Variants in ARHGAP15 observed in about 807,000 individuals in gnomAD.
ARHGAP15 encodes Rho GTPase activating protein 15.
Under a neutral mutation model 63.7 loss-of-function variants are expected in ARHGAP15, and 51 were observed. The ratio of observed to expected loss-of-function variants is 0.80; its 90% CI spans 0.64 to 1.01. The LOEUF (loss-of-function observed/expected upper bound fraction) is 1.01. Among genes scored for constraint, ARHGAP15 ranks in the 50% least tolerant of loss-of-function variants. The pLI, the probability that ARHGAP15 is intolerant of heterozygous loss-of-function variation, is 0.00. For synonymous variants in ARHGAP15, 191 were observed against 193.8 expected, an observed-to-expected ratio of 0.99 and a Z score of 0.12; for missense variants, 560 against 564.6, an observed-to-expected ratio of 0.99 and a Z score of 0.08.
At chr2:143,462,592 T>C (rs879409757) in intron 8 of ARHGAP15, among the ~76,000 whole-genome samples, 5 of 152,202 alleles carry the variant, frequency 3.3e-5, no homozygotes, top group Non-Finnish European at 7.4e-5. Flanking sequence ...TCCAAAAATG[T>C]CTCACATATG....
At chr2:143,283,477 A>G (rs1681954013) in intron 6 of ARHGAP15, among the ~76,000 whole-genome samples, 1 of 152,158 alleles carries the variant, frequency 6.6e-6, no homozygotes. Flanking sequence ...CTACTCTTGT[A>G]TTATCCTGTT....
chr2:143,759,915 G>GT (rs1242570679), intron 13 of ARHGAP15, among the ~76,000 whole-genome samples: 4 of 152,202 alleles, frequency 2.6e-5, no homozygotes, highest in South Asian at 2.1e-4. Flanking sequence ...AGCCATCAGG[G>GT]TTTTTTTAAA....
intron 12 of ARHGAP15, among the ~76,000 whole-genome samples, chr2:143,664,690 AAG>A (rs1249309364): frequency 3.9e-5 from 6 of 152,198 alleles, no homozygotes; most frequent in African/African-American, 1.2e-4. Context: ...TAAAGAAAAA[AAG>A]AGAGAAGAAT....
At chr2:143,576,449 A>T (rs549181090) in intron 11 of ARHGAP15, among the ~76,000 whole-genome samples, 10 of 152,270 alleles carry the variant, frequency 6.6e-5, no homozygotes, top group African/African-American at 2.4e-4. Context: ...TATGGCACAG[A>T]TATTATTTAA....
At chr2:143,489,760 C>A (rs567137795) in intron 9 of ARHGAP15, among the ~76,000 whole-genome samples, 10 of 152,230 alleles carry the variant, frequency 6.6e-5, no homozygotes, top group African/African-American at 2.4e-4. Context: ...TTAACTCTTT[C>A]AAAGGGAAGA....
chr2:143,695,411 G>A (rs967626936), intron 12 of ARHGAP15, among the ~76,000 whole-genome samples: 4 of 152,134 alleles, frequency 2.6e-5, no homozygotes, highest in African/African-American at 9.7e-5. Context: ...GAAGATTGCT[G>A]CTGGAGTGTC....
At chr2:143,604,870 G>A (rs1365674004) in intron 11 of ARHGAP15, among the ~76,000 whole-genome samples, 1 of 152,004 alleles carries the variant, frequency 6.6e-6, no homozygotes, top group African/African-American at 2.4e-5. Context: ...ACCGTGCATA[G>A]CATAATATTT....
At chr2:143,685,598 C>T (rs1292567575) in intron 12 of ARHGAP15, among the ~76,000 whole-genome samples, 2 of 152,166 alleles carry the variant, frequency 1.3e-5, no homozygotes, top group Non-Finnish European at 2.9e-5. Context: ...ACATCTGCTT[C>T]CGTGCACAAA....
At chr2:143,498,123 C>G (rs993513256) in intron 9 of ARHGAP15, among the ~76,000 whole-genome samples, 1 of 152,130 alleles carries the variant, frequency 6.6e-6, no homozygotes, top group East Asian at 1.9e-4. Flanking sequence ...AAATTCATGT[C>G]TATTATAAAT....
chr2:143,197,660 G>A (rs16858800), intron 2 of ARHGAP15, among the ~76,000 whole-genome samples: 7,542 of 151,960 alleles, frequency 0.05, 585 homozygotes, highest in African/African-American at 0.17. Flanking sequence ...ATATTTCTTT[G>A]TCTAATGCTT....
At chr2:143,342,701 CTA>C (rs1685111671) in intron 6 of ARHGAP15, among the ~76,000 whole-genome samples, 1 of 152,042 alleles carries the variant, frequency 6.6e-6, no homozygotes, top group South Asian at 2.1e-4. Context: ...GTGTCAGAAA[CTA>C]TGCTGGGTTC....
intron 8 of ARHGAP15, among the ~76,000 whole-genome samples, chr2:143,465,597 T>G (rs1300201038): frequency 6.6e-6 from 1 of 152,146 alleles, no homozygotes; most frequent in Non-Finnish European, 1.5e-5. Context: ...TTTGTATTTT[T>G]TTCCAGTTTA....
At chr2:143,407,334 T>C (rs1227729357) in intron 6 of ARHGAP15, among the ~76,000 whole-genome samples, 1 of 151,916 alleles carries the variant, frequency 6.6e-6, no homozygotes, top group Non-Finnish European at 1.5e-5. Flanking sequence ...AAGTGTTTAA[T>C]ATTTCTGTGA....
At chr2:143,367,229 A>C (rs1003874473) in intron 6 of ARHGAP15, among the ~76,000 whole-genome samples, 14 of 152,008 alleles carry the variant, frequency 9.2e-5, no homozygotes, top group African/African-American at 3.1e-4. Context: ...AAGATCCCCC[A>C]AAATTAATTT....
At chr2:143,254,553 C>G (rs951320051) in intron 6 of ARHGAP15, among the ~76,000 whole-genome samples, 3 of 151,982 alleles carry the variant, frequency 2.0e-5, no homozygotes, top group Non-Finnish European at 2.9e-5. Flanking sequence ...CGTGACATGG[C>G]TATCAAATAG....
At chr2:143,380,602 T>G (rs1687018780) in intron 6 of ARHGAP15, among the ~76,000 whole-genome samples, 1 of 152,144 alleles carries the variant, frequency 6.6e-6, no homozygotes, top group Non-Finnish European at 1.5e-5. Flanking sequence ...GATCCAAGGC[T>G]GTTGATGCCT....
Position 143,145,372 on chromosome 2 carries a change from C to T in ARHGAP15, c.-14-10105C>T, listed in dbSNP as rs765284388. 1.1e-4 allele frequency among the ~76,000 whole-genome samples: 16 copies of T among 151,966 alleles called. No individual in the cohort carries two copies. In the East Asian group the frequency reaches 1.6e-3, roughly 15 times the overall value. On this transcript the variant is annotated intron_variant, in intron 1 of 13. Coordinates refer to ENST00000295095, the MANE Select transcript of ARHGAP15 (RefSeq NM_018460.4). Reference sequence around the variant, plus strand: ...ACTGGACATTTGCTTTCTCCTTGACCGCAACTTCCTTTGCTGGTAACCTGG... The same window carrying T: ...ACTGGACATTTGCTTTCTCCTTGACTGCAACTTCCTTTGCTGGTAACCTGG...
chr2:143,613,958 A>G (rs902570477), intron 11 of ARHGAP15, among the ~76,000 whole-genome samples: 1 of 152,048 alleles, frequency 6.6e-6, no homozygotes, highest in Non-Finnish European at 1.5e-5. Flanking sequence ...TTCATGCTGT[A>G]CCTTCTGCCT....
At chr2:143,573,295 G>T (rs13394189) in intron 11 of ARHGAP15, among the ~76,000 whole-genome samples, 43,184 of 152,052 alleles carry the variant, frequency 0.28, 6,894 homozygotes, top group African/African-American at 0.44. Flanking sequence ...GACTTCTCTT[G>T]TTCTTCTAGA....
Sources: gnomAD v4.1 joint callset for allele counts (sites outside exome capture counted in the v4.1 genomes callset) on GRCh38, gnomAD v4.1.1 for gene constraint, MANE v1.5 for transcripts, NCBI Gene and HGNC (gene_info 2026-07-23, HGNC 2026-07-21) for gene names.